ATP9B: variants seen among roughly 807,000 people sequenced by gnomAD.
ATP9B encodes probable phospholipid-transporting ATPase IIB.
Under a neutral mutation model 146.1 loss-of-function variants are expected in ATP9B, and 110 were observed. The observed-to-expected ratio is 0.75, with a 90% CI of 0.65 to 0.88. The LOEUF (loss-of-function observed/expected upper bound fraction) is 0.88. ATP9B is among the 40% of genes least tolerant of loss of function. The pLI is 0.00. For synonymous variants in ATP9B, 604 were observed against 569.7 expected (o/e 1.06, Z -0.86); for missense variants, 1,499 against 1,496.4 (o/e 1.00, Z -0.03).
chr18:79,327,865 G>A (rs1415551312), intron 15 of ATP9B, among the ~76,000 whole-genome samples: 2 of 110,688 alleles, frequency 1.8e-5, no homozygotes, highest in Non-Finnish European at 3.8e-5. Context: ...CATGGTTAGC[G>A]TGCTCTCCAT....
intron 2 of ATP9B, among the ~76,000 whole-genome samples, chr18:79,103,996 G>A (rs781181007): frequency 7.9e-5 from 12 of 152,144 alleles, no homozygotes; most frequent in South Asian, 2.1e-4. Flanking sequence ...GCCAAGAACC[G>A]GAAGAGTCCC....
chr18:79,215,332 G>A (rs2095617851), intron 11 of ATP9B, among the ~76,000 whole-genome samples: 2 of 152,008 alleles, frequency 1.3e-5, no homozygotes, highest in South Asian at 4.1e-4. Flanking sequence ...TGTTCACTGG[G>A]GCATGCCTTG....
chr18:79,263,082 T>C (rs1235693422), intron 12 of ATP9B, among the ~76,000 whole-genome samples: 1 of 152,236 alleles, frequency 6.6e-6, no homozygotes, highest in Non-Finnish European at 1.5e-5. Flanking sequence ...TTTACAATTT[T>C]TATTTCATTT....
chr18:79,291,234 C>G (rs569007750), intron 13 of ATP9B, among the ~76,000 whole-genome samples: 2 of 152,160 alleles, frequency 1.3e-5, no homozygotes, highest in Non-Finnish European at 2.9e-5. Flanking sequence ...TAGCTACATA[C>G]CATAGCCGAG....
At chr18:79,141,198 AG>A in intron 5 of ATP9B, among the ~76,000 whole-genome samples, 1 of 152,136 alleles carries the variant, frequency 6.6e-6, no homozygotes. Context: ...TGGTTTTATA[AG>A]GGGCTTTTCT....
intron 11 of ATP9B, among the ~76,000 whole-genome samples, chr18:79,251,529 A>G (rs1213169277): frequency 6.6e-6 from 1 of 152,202 alleles, no homozygotes; most frequent in African/African-American, 2.4e-5. Flanking sequence ...CTTAGAGTTT[A>G]GCACAAAATG....
chr18:79,164,451 C>T (rs1013570100), intron 7 of ATP9B, among the ~76,000 whole-genome samples: 3 of 152,128 alleles, frequency 2.0e-5, no homozygotes, highest in African/African-American at 4.8e-5. Context: ...CATGGTGGCT[C>T]ATGCCTGTAA....
intron 26 of ATP9B, among the ~76,000 whole-genome samples, chr18:79,368,017 C>T (rs2097045263): frequency 1.3e-5 from 2 of 152,216 alleles, no homozygotes; most frequent in African/African-American, 2.4e-5. Context: ...CACCATTTCT[C>T]TGCCACGGTG....
intron 25 of ATP9B, among the ~76,000 whole-genome samples, chr18:79,356,116 C>T (rs28660688): frequency 0.21 from 32,466 of 152,124 alleles, 3,623 homozygotes; most frequent in African/African-American, 0.27. Flanking sequence ...TGTGAGGGGA[C>T]GCACAGACCA....
intron 15 of ATP9B, among the ~76,000 whole-genome samples, chr18:79,312,877 A>G (rs534739034): frequency 1.3e-5 from 2 of 152,328 alleles, no homozygotes; most frequent in East Asian, 3.9e-4. Context: ...CCCTCTTTTC[A>G]GAAAGTAATT....
intron 23 of ATP9B, among the ~76,000 whole-genome samples, chr18:79,346,203 G>GCA (rs1201436371): frequency 7.1e-6 from 1 of 139,982 alleles, no homozygotes; most frequent in East Asian, 2.2e-4. Flanking sequence ...TCAGCACACA[G>GCA]CACACACTCG....
At chr18:79,109,461 T>C (rs1053696079) in intron 2 of ATP9B, among the ~76,000 whole-genome samples, 1 of 152,146 alleles carries the variant, frequency 6.6e-6, no homozygotes, top group Non-Finnish European at 1.5e-5. Flanking sequence ...AAATATTTAC[T>C]GCATAGATGA....
chr18:79,226,634 T>G (rs1027795647), intron 11 of ATP9B, among the ~76,000 whole-genome samples: 1 of 152,212 alleles, frequency 6.6e-6, no homozygotes, highest in Non-Finnish European at 1.5e-5. Flanking sequence ...GAGCTGTGCC[T>G]TCCCCCTTCC....
At chr18:79,369,518 G>A (rs575018549) in intron 26 of ATP9B, among the ~76,000 whole-genome samples, 1 of 123,004 alleles carries the variant, frequency 8.1e-6, no homozygotes, top group Admixed American at 9.9e-5. Context: ...GGGCGACAGA[G>A]CAAGAGTCCG....
rs376440887 is a variant in ATP9B at position 79,191,131 on chromosome 18, C to T, written c.874-2052C>T. 5.5e-4 allele frequency among the ~76,000 whole-genome samples: 83 copies of T among 152,216 alleles called. 2 individuals are homozygous for T. The South Asian group carries it at 0.017, about 31-fold the overall frequency. On this transcript the variant is annotated intron_variant, in intron 8 of 29. Transcript: ENST00000426216. ...TTGACAAGTCTGCCTTCCACACCCT[C>T]CACCCCTCACTTTAAATATTTTGTT...
At chr18:79,319,407 C>G (rs2096702513) in intron 15 of ATP9B, among the ~76,000 whole-genome samples, 1 of 151,874 alleles carries the variant, frequency 6.6e-6, no homozygotes, top group Middle Eastern at 3.4e-3. Context: ...GGAGGGGCCC[C>G]CTCCTCTCCT....
chr18:79,103,285 T>TTTA (rs58177335), intron 2 of ATP9B, among the ~76,000 whole-genome samples: 10,067 of 149,622 alleles, frequency 0.067, 400 homozygotes, highest in Non-Finnish European at 0.09. Flanking sequence ...TTTTTTTTTT[T>TTTA]AAGAAATCTA....
At chr18:79,123,217 TAGC>T (rs1206246949) in intron 4 of ATP9B, among the ~76,000 whole-genome samples, 2 of 152,192 alleles carry the variant, frequency 1.3e-5, no homozygotes, top group South Asian at 2.1e-4. Flanking sequence ...CAAAATGAAT[TAGC>T]AGGGTTGCAG....
At chr18:79,154,676 T>C in intron 7 of ATP9B, 121 bp downstream of exon 7, 1 of 566,966 alleles carries the variant, frequency 1.8e-6, no homozygotes, top group Non-Finnish European at 3.0e-6. Flanking sequence ...CAATGAGGAA[T>C]ATTCTGTAGA....
Sources: gnomAD v4.1 joint callset for allele counts (sites outside exome capture counted in the v4.1 genomes callset) on GRCh38, gnomAD v4.1.1 for gene constraint, MANE v1.5 for transcripts, NCBI Gene and HGNC (gene_info 2026-07-23, HGNC 2026-07-21) for gene names.